The following CSMD2 variants were observed in gnomAD, a reference collection of about 807,000 sequenced individuals.
The protein encoded by CSMD2 is CUB and sushi domain-containing protein 2.
A neutral mutation model predicts 398.5 loss-of-function variants in CSMD2; 130 were observed. The ratio of observed to expected loss-of-function variants is 0.33; its 90% CI spans 0.28 to 0.38. The LOEUF is 0.38. CSMD2 is among the 10% of genes least tolerant of loss of function. The pLI is 1.00. For synonymous variants in CSMD2, 1,828 were observed against 1,908.5 expected, an observed-to-expected ratio of 0.96 and a Z score of 1.10; for missense variants, 3,829 against 4,764.9, an observed-to-expected ratio of 0.80 and a Z score of 5.78.
chr1:33,677,312 A>C (rs1644750936), intron 25 of CSMD2, among the ~76,000 whole-genome samples: 1 of 152,248 alleles, frequency 6.6e-6, no homozygotes, highest in Non-Finnish European at 1.5e-5. Flanking sequence ...ATATGAACAG[A>C]TACTTCTCAA....
At chr1:33,899,678 T>G (rs1352423178) in intron 5 of CSMD2, among the ~76,000 whole-genome samples, 2 of 152,222 alleles carry the variant, frequency 1.3e-5, no homozygotes, top group African/African-American at 2.4e-5. Flanking sequence ...AGGAGGTCTC[T>G]GTACACCAAT....
intron 1 of CSMD2, among the ~76,000 whole-genome samples, chr1:34,114,294 T>TTTG (rs71571768): frequency 0.013 from 1,954 of 150,762 alleles, 35 homozygotes; most frequent in African/African-American, 0.044. Context: ...GGAGAACTCC[T>TTTG]TTGTTGTTGT....
intron 9 of CSMD2, among the ~76,000 whole-genome samples, chr1:33,817,095 CGATT>C (rs1186649253): frequency 1.3e-5 from 2 of 151,972 alleles, no homozygotes; most frequent in Non-Finnish European, 2.9e-5. Flanking sequence ...ATAGTGATTG[CGATT>C]AATTGAAAAC....
intron 62 of CSMD2, among the ~76,000 whole-genome samples, chr1:33,534,593 G>C (rs1005893773): frequency 6.6e-6 from 1 of 152,084 alleles, no homozygotes; most frequent in Non-Finnish European, 1.5e-5. Context: ...GGTGTAATGC[G>C]GCTAGATCTG....
Position 33,540,658 on chromosome 1 carries a change from C to A in CSMD2, c.9498G>T (p.Lys3166Asn). The A allele has an allele frequency of 6.2e-7, 1 of 1,614,238 alleles. No individual in the cohort carries two copies. The highest frequency in any genetic ancestry group is 8.5e-7 in the Non-Finnish European group (1 of 1,180,052). Residue 3166 changes from lysine (K) to asparagine (N), a missense_variant, in exon 60 of 71, where the codon AAG becomes AAT. Coordinates refer to ENST00000373381, the MANE Select transcript of CSMD2 (RefSeq NM_001281956.2). ...CCCACATGAAGTCAGACCCCACCAC[C>A]TTCCCATTGGGGATGAGCGGAGGTG... Reference protein sequence around the residue: ...CKPPPLIPNGKVVGSDFMWGS... With the variant: ...CKPPPLIPNGNVVGSDFMWGS...
chr1:33,749,189 C>G (rs756870441), intron 13 of CSMD2, among the ~76,000 whole-genome samples: 44 of 151,370 alleles, frequency 2.9e-4, no homozygotes, highest in Non-Finnish European at 5.2e-4. Context: ...GCTCCACCCC[C>G]CCAGGTTCAC....
rs151038432 is a variant in CSMD2, at chr1:33,897,594, G to C, written c.920+20500C>G. Among the ~76,000 whole-genome samples, 428 of 152,316 alleles carry C rather than the reference G, an allele frequency of 2.8e-3. 3 individuals are homozygous for C. Among genetic ancestry groups the C allele is most frequent in the African/African-American group, 9.8e-3 (409 of 41,562 alleles). On this transcript the variant is annotated intron_variant, in intron 5 of 70. Transcript: ENST00000373381. ...CAAGAGGTCACCCCTCCTGCAGCCA[G>C]CACTGCTTCCGTGGGGAGCAACTGA...
At chr1:34,109,627 T>C (rs1313275243) in intron 1 of CSMD2, among the ~76,000 whole-genome samples, 1 of 152,172 alleles carries the variant, frequency 6.6e-6, no homozygotes, top group Non-Finnish European at 1.5e-5. Flanking sequence ...CTGCAAACTA[T>C]GCATCTGACA....
At position 33,542,770 on chromosome 1, in the gene CSMD2, C is replaced by T. The variant is rs200812761; in HGVS notation, c.9227G>A (p.Arg3076His). Residue 3076 changes from arginine (R) to histidine (H), a missense_variant, in exon 58 of 71, where the codon CGT becomes CAT. By Grantham distance (29) the Arg-to-His change is conservative. Around this residue, in one of 5 missense-constraint regions of CSMD2, gnomAD observed 917 missense variants for 1,199.5 expected, o/e 0.76. Coordinates refer to ENST00000373381, the MANE Select transcript of CSMD2 (RefSeq NM_001281956.2). The stretch of plus-strand genomic sequence containing the variant: ...CCAGGTACCATTGACCGAGCAGTGA[C>T]GGCTGAGCAGGCCTGTGGCGTAGTA... ...EGYYATGLLS[R>H]HCSVNGTWTG... 8 of 1,614,072 alleles carry T rather than the reference C, an allele frequency of 5.0e-6. No individual in the cohort carries two copies. The highest frequency in any genetic ancestry group is 5.1e-6 in the Non-Finnish European group (6 of 1,180,002).
At chr1:33,954,311 A>T (rs1287180408) in intron 3 of CSMD2, among the ~76,000 whole-genome samples, 1 of 151,846 alleles carries the variant, frequency 6.6e-6, no homozygotes, top group Non-Finnish European at 1.5e-5. Context: ...TCCACAGCTG[A>T]TTGGTACTGG....
chr1:33,723,824 C>T (rs1017619424), intron 19 of CSMD2, among the ~76,000 whole-genome samples: 3 of 152,280 alleles, frequency 2.0e-5, no homozygotes, highest in African/African-American at 4.8e-5. Flanking sequence ...ATAGTAGGTG[C>T]CCATCTGTTG....
intron 28 of CSMD2, among the ~76,000 whole-genome samples, chr1:33,650,073 C>T (rs936444388): frequency 8.5e-5 from 13 of 152,166 alleles, no homozygotes; most frequent in African/African-American, 1.2e-4. Context: ...CGAAGGGTTT[C>T]GGAGGGAGTG....
chr1:34,018,072 C>T (rs1042783372), intron 3 of CSMD2, among the ~76,000 whole-genome samples: 6 of 152,190 alleles, frequency 3.9e-5, no homozygotes, highest in South Asian at 2.1e-4. Flanking sequence ...TGCCTGCCCA[C>T]GTCAACTGTT....
At chr1:33,858,346 C>T (rs1042466113) in intron 5 of CSMD2, among the ~76,000 whole-genome samples, 3 of 152,182 alleles carry the variant, frequency 2.0e-5, no homozygotes, top group African/African-American at 7.2e-5. Flanking sequence ...CTTCTTCCCT[C>T]CTCCTGCAAT....
At chr1:33,916,852 A>C (rs1570494446) in intron 5 of CSMD2, among the ~76,000 whole-genome samples, 1 of 152,062 alleles carries the variant, frequency 6.6e-6, no homozygotes, top group Non-Finnish European at 1.5e-5. Flanking sequence ...TCCTTAAAAA[A>C]CCATGTCTCA....
At chr1:34,004,789 A>G (rs1292235067) in intron 3 of CSMD2, among the ~76,000 whole-genome samples, 1 of 151,944 alleles carries the variant, frequency 6.6e-6, no homozygotes, top group Non-Finnish European at 1.5e-5. Context: ...CTGGTCAAAT[A>G]GCATCTTAAT....
chr1:34,149,714 G>A (rs1409893116), intron 1 of CSMD2, among the ~76,000 whole-genome samples: 2 of 152,220 alleles, frequency 1.3e-5, no homozygotes, highest in Non-Finnish European at 2.9e-5. Flanking sequence ...CTTCCAGGGG[G>A]CTGCCTAATC....
chr1:33,576,060 C>T (rs1018335904), intron 49 of CSMD2, among the ~76,000 whole-genome samples: 9 of 152,148 alleles, frequency 5.9e-5, no homozygotes, highest in African/African-American at 2.2e-4. Context: ...TGAGGACAAA[C>T]TTTCTGGGAG....
In CSMD2 at chr1:33,542,568, T is replaced by A. The variant is rs907426566; in HGVS notation, c.9277+152A>T. On this transcript the variant is annotated intron_variant, in intron 58 of 70. Coordinates refer to ENST00000373381, the MANE Select transcript of CSMD2 (RefSeq NM_001281956.2). ...CGCTCAGTGGCTGCCACATAGCATA[T>A]GCTCAACAGAGGCTATTCATATGAT... 22 of 626,516 alleles carry A rather than the reference T, an allele frequency of 3.5e-5. No homozygotes were observed. In the African/African-American group the frequency reaches 4.1e-4, roughly 12 times the overall value. 38.8% of individuals were successfully genotyped at this position (626,516 alleles called of 1,614,324 possible). A position where few individuals can be genotyped will look rare whatever the true frequency, so the allele number is the denominator to read the frequency against.
Sources: gnomAD v4.1 joint callset for allele counts (sites outside exome capture counted in the v4.1 genomes callset) on GRCh38, gnomAD v4.1.1 for gene constraint, gnomAD v4.1.1 regional missense constraint, MANE v1.5 for transcripts, NCBI Gene and HGNC (gene_info 2026-07-23, HGNC 2026-07-21) for gene names.